Variants in NPAS3 observed in about 807,000 individuals in gnomAD.
The protein encoded by NPAS3 is neuronal PAS domain protein 3, also known as neuronal PAS domain-containing protein 3.
Under a neutral mutation model 73.1 loss-of-function variants are expected in NPAS3, and 14 were observed. That is an observed-to-expected ratio of 0.19 (90% CI 0.13 to 0.30). The LOEUF is 0.30. NPAS3 is among the 10% of genes least tolerant of loss of function. NPAS3 has a pLI of 1.00. For missense variants in NPAS3, 1,096 were observed against 1,250.0 expected (o/e 0.88, Z 1.86); for synonymous variants, 620 against 541.5 (o/e 1.14, Z -2.01).
intron 3 of NPAS3, among the ~76,000 whole-genome samples, chr14:33,292,547 A>G (rs888035068): frequency 6.6e-6 from 1 of 152,160 alleles, no homozygotes; most frequent in African/African-American, 2.4e-5. Context: ...ATGCCCTAAA[A>G]TATGTTTTAC....
chr14:33,784,221 T>C lies in NPAS3; in HGVS notation c.1153+5649T>C, dbSNP rs189166943. ...CTGTATGAGTGAATATGAGCAGTCG[T>C]TTTTTTCCTATTCAAGTTTATCTAA... is the stretch of plus-strand genomic sequence containing the variant. On this transcript the variant is annotated intron_variant, in intron 9 of 11. Coordinates refer to ENST00000356141, the Ensembl canonical transcript of NPAS3. 4.8e-4 allele frequency among the ~76,000 whole-genome samples: 73 copies of C among 152,350 alleles called. No individual in the cohort carries two copies. The East Asian group carries it at 7.5e-3, about 16-fold the overall frequency.
upstream of NPAS3, among the ~76,000 whole-genome samples, chr14:32,938,486 T>TGACAGAGAGAGAGAGAGAGA (rs1555372900): frequency 0.03 from 1,690 of 55,866 alleles, 276 homozygotes; most frequent in African/African-American, 0.04. Flanking sequence ...AGAGAGAAAT[T>TGACAGAGAGAGAGAGAGAGA]GAGAGAGAGA....
intron 5 of NPAS3, among the ~76,000 whole-genome samples, chr14:33,610,454 G>A (rs2057715045): frequency 6.6e-6 from 1 of 151,752 alleles, no homozygotes; most frequent in East Asian, 1.9e-4. Context: ...ACAATTTTGT[G>A]AAAAGTGTTG....
chr14:33,254,211 T>C (rs2048694359), intron 3 of NPAS3, among the ~76,000 whole-genome samples: 1 of 152,116 alleles, frequency 6.6e-6, no homozygotes, highest in African/African-American at 2.4e-5. Context: ...CGTGGCCTTC[T>C]ATAACCTAGA....
intron 4 of NPAS3, among the ~76,000 whole-genome samples, chr14:33,444,111 G>T (rs573446879): frequency 6.6e-6 from 1 of 152,116 alleles, no homozygotes; most frequent in Non-Finnish European, 1.5e-5. Context: ...AGAGACATTC[G>T]ATTTAGAATC....
At chr14:33,779,832 G>A (rs1193295255) in intron 9 of NPAS3, among the ~76,000 whole-genome samples, 5 of 152,194 alleles carry the variant, frequency 3.3e-5, no homozygotes, top group East Asian at 3.9e-4. Context: ...AACAACACAC[G>A]GCTGTACATG....
chr14:33,653,558 T>C (rs902844341), intron 5 of NPAS3, among the ~76,000 whole-genome samples: 4 of 152,228 alleles, frequency 2.6e-5, no homozygotes, highest in Non-Finnish European at 4.4e-5. Flanking sequence ...AATTAGGCTG[T>C]AGTTTATACC....
intron 4 of NPAS3, among the ~76,000 whole-genome samples, chr14:33,489,240 TGACTCC>T (rs1402994603): frequency 2.0e-5 from 3 of 152,198 alleles, no homozygotes; most frequent in Non-Finnish European, 4.4e-5. Flanking sequence ...TCTTTCGGAT[TGACTCC>T]GAAGGAAAGT....
intron 3 of NPAS3, among the ~76,000 whole-genome samples, chr14:33,359,583 A>G (rs954881028): frequency 1.1e-4 from 16 of 152,344 alleles, no homozygotes; most frequent in African/African-American, 3.4e-4. Flanking sequence ...CTTTTAAGAC[A>G]GTTTGCAAAA....
At chr14:33,187,166 C>T (rs1034433375) in intron 2 of NPAS3, among the ~76,000 whole-genome samples, 4 of 152,140 alleles carry the variant, frequency 2.6e-5, no homozygotes, top group Non-Finnish European at 4.4e-5. Flanking sequence ...TAAAGAGCAT[C>T]CTTTCTCAGA....
At chr14:33,294,282 G>A (rs1450998074) in intron 3 of NPAS3, among the ~76,000 whole-genome samples, 3 of 152,124 alleles carry the variant, frequency 2.0e-5, no homozygotes, top group Non-Finnish European at 4.4e-5. Context: ...AAGTCTCCAT[G>A]TTCTTTTTCT....
At chr14:33,015,679 C>G (rs896741481) in intron 1 of NPAS3, among the ~76,000 whole-genome samples, 2 of 152,150 alleles carry the variant, frequency 1.3e-5, no homozygotes, top group African/African-American at 4.8e-5. Flanking sequence ...TATACACACA[C>G]AGAATATATA....
intron 4 of NPAS3, among the ~76,000 whole-genome samples, chr14:33,419,375 TTATATAGAG>T: frequency 6.6e-6 from 1 of 151,998 alleles, no homozygotes; most frequent in Non-Finnish European, 1.5e-5. Context: ...TATGTATATT[TTATATAGAG>T]GCATGCTTTG....
chr14:33,085,901 T>C (rs1175455718), intron 2 of NPAS3, among the ~76,000 whole-genome samples: 1 of 152,200 alleles, frequency 6.6e-6, no homozygotes, highest in East Asian at 1.9e-4. Flanking sequence ...ATTATGATGG[T>C]AGTCAACTTT....
In NPAS3 at chr14:33,800,484, C is replaced by A. The variant is rs1380884687; in HGVS notation, c.2177C>A (p.Ala726Asp). The A allele has an allele frequency of 4.1e-6, 6 of 1,480,220 alleles. No homozygotes were observed. The African/African-American group carries it at 8.9e-5, about 22-fold the overall frequency. The allele number at this position is 1,480,220 out of a possible 1,614,324, so 91.7% of individuals were successfully genotyped here. A position where few individuals can be genotyped will look rare whatever the true frequency, so the allele number is the denominator to read the frequency against. The change falls in exon 12 of 12, where the codon GCC becomes GAC. Residue 726 changes from alanine to aspartate, a missense_variant. By Grantham distance (126) the Ala-to-Asp change is moderately radical. Transcript: ENST00000356141. This position sits in a 1 kb window ranked among gnomAD's most constrained non-coding sequence, Gnocchi z 6.5. ...CCGCCCGGCGCCGACGGCGCGGCCG[C>A]CCGCAAGACTCAGTTCGGCGCCTCG...
At chr14:33,627,254 C>T (rs2058248082) in intron 5 of NPAS3, among the ~76,000 whole-genome samples, 1 of 152,048 alleles carries the variant, frequency 6.6e-6, no homozygotes, top group Non-Finnish European at 1.5e-5. Flanking sequence ...CCTCATATAA[C>T]GTACAAATAA....
At chr14:33,062,924 T>G (rs1385042889) in intron 2 of NPAS3, among the ~76,000 whole-genome samples, 1 of 152,234 alleles carries the variant, frequency 6.6e-6, no homozygotes, top group African/African-American at 2.4e-5. Flanking sequence ...TGGACTTAGT[T>G]TATGCATTAG....
rs151286051 is a variant in NPAS3 at position 33,519,882 on chromosome 14, C to T, written c.469-40239C>T. On this transcript the variant is annotated intron_variant, in intron 4 of 11. Coordinates refer to ENST00000356141, the Ensembl canonical transcript of NPAS3. The stretch of plus-strand genomic sequence containing the variant: ...TGCCTTCCCTGAGCTGCACAGATAC[C>T]TCCTTGGGAGGTACGTTAGGGGCCC... 2.1e-4 allele frequency among the ~76,000 whole-genome samples: 32 copies of T among 152,206 alleles called. 1 individual carries two copies. The highest frequency in any genetic ancestry group is 7.5e-4 in the African/African-American group (31 of 41,560).
At chr14:33,769,752 T>C (rs1487492835) in intron 7 of NPAS3, among the ~76,000 whole-genome samples, 2 of 90,238 alleles carry the variant, frequency 2.2e-5, no homozygotes, top group African/African-American at 4.2e-5. Context: ...TGGATTTTTT[T>C]TTTCTTTTTT....
Sources: allele counts gnomAD v4.1 joint callset (sites outside exome capture counted in the v4.1 genomes callset), GRCh38; gene constraint gnomAD v4.1.1; non-coding constraint Gnocchi (gnomAD v3.1); transcripts MANE v1.5; gene names NCBI Gene and HGNC (gene_info 2026-07-23, HGNC 2026-07-21).